Variants in NCK1 observed in about 807,000 individuals in gnomAD.
NCK1 encodes the protein SH2/SH3 adapter protein NCK1.
Under a neutral mutation model 36.6 loss-of-function variants are expected in NCK1, and 19 were observed. The observed-to-expected ratio is 0.52, with a 90% CI of 0.36 to 0.76. The LOEUF (loss-of-function observed/expected upper bound fraction) is 0.76, where lower values mean the gene tolerates loss of function less well. NCK1 is among the 30% of genes least tolerant of loss of function. The probability of loss-of-function intolerance (pLI) is 0.00; values close to 1 mark genes in which losing one functional copy is unlikely to be tolerated. For missense variants in NCK1, 358 were observed against 445.6 expected (o/e 0.80, Z 1.77); for synonymous variants, 165 against 156.0 (o/e 1.06, Z -0.43).
chr3:136,910,462 A>G (rs921784922), intron 1 of NCK1, among the ~76,000 whole-genome samples: 12 of 152,176 alleles, frequency 7.9e-5, no homozygotes, highest in African/African-American at 2.9e-4. Flanking sequence ...TAGTAAAGTT[A>G]TGTTTAAAAA....
At chr3:136,920,004 G>A (rs1244832837) in intron 1 of NCK1, among the ~76,000 whole-genome samples, 1 of 152,118 alleles carries the variant, frequency 6.6e-6, no homozygotes, top group East Asian at 1.9e-4. Flanking sequence ...AGTAAACAAT[G>A]AAGGGGGAGA....
intron 1 of NCK1, among the ~76,000 whole-genome samples, chr3:136,908,213 C>T (rs191874897): frequency 5.3e-5 from 8 of 152,206 alleles, no homozygotes; most frequent in Admixed American, 1.3e-4. Context: ...TACATAGGTC[C>T]GCAACCGTAT....
chr3:136,908,934 G>T (rs1369972483), intron 1 of NCK1, among the ~76,000 whole-genome samples: 1 of 152,104 alleles, frequency 6.6e-6, no homozygotes, highest in Non-Finnish European at 1.5e-5. Flanking sequence ...ATAATGGGAG[G>T]TGTTTGGGTC....
rs150225257 is a variant in NCK1, at chr3:136,928,326, G to C, written c.226+99G>C. 426 of 1,157,776 alleles carry C rather than the reference G, an allele frequency of 3.7e-4. 1 individual carries two copies. The African/African-American group carries it at 6.0e-3, about 16-fold the overall frequency. The allele number at this position is 1,157,776 out of a possible 1,614,324, so 71.7% of individuals were successfully genotyped here. ...TGGCAGCAGTGTGCATAATTGACTT[G>C]AAAAGGCAAGGGCTAGGTAAGTTTG... On this transcript the variant is annotated intron_variant, in intron 2 of 3. Coordinates refer to ENST00000481752, the MANE Select transcript of NCK1 (RefSeq NM_001291999.2).
At position 136,951,128 on chromosome 3, in the gene NCK1, GGTT is replaced by G. The variant is rs1385671417; in HGVS notation, c.*2679_*2681del. ...ATAGGCCTAGCAGATGGGCAACTTGGGTTGTTAGAATAAGGTCATTCTTGCAGA... is the reference window on the plus strand; with the variant it reads ...ATAGGCCTAGCAGATGGGCAACTTGGGTTAGAATAAGGTCATTCTTGCAGA... On this transcript the variant is annotated 3_prime_UTR_variant, in exon 4 of 4. Coordinates refer to ENST00000481752, the MANE Select transcript of NCK1 (RefSeq NM_001291999.2). 1.3e-5 allele frequency among the ~76,000 whole-genome samples: 2 copies of G among 152,144 alleles called. No individual in the cohort carries two copies. The highest frequency in any genetic ancestry group is 2.9e-5 in the Non-Finnish European group (2 of 68,008).
chr3:136,886,177 T>C (rs960252469), intron 1 of NCK1, among the ~76,000 whole-genome samples: 6 of 152,310 alleles, frequency 3.9e-5, no homozygotes, highest in Non-Finnish European at 7.4e-5. Flanking sequence ...AACACTAATT[T>C]CTTAGAGCAC....
intron 1 of NCK1, among the ~76,000 whole-genome samples, chr3:136,922,616 A>G (rs1394943424): frequency 6.6e-6 from 1 of 152,256 alleles, no homozygotes; most frequent in Non-Finnish European, 1.5e-5. Flanking sequence ...TAAGAGAAAT[A>G]CAAATTACAA....
chr3:136,871,993 T>C (rs1042031883), intron 1 of NCK1, among the ~76,000 whole-genome samples: 9 of 152,206 alleles, frequency 5.9e-5, no homozygotes, highest in African/African-American at 2.2e-4. Context: ...GTCTCAGGTA[T>C]GTCTTTATCA....
chr3:136,885,732 A>T (rs1010299758), intron 1 of NCK1, among the ~76,000 whole-genome samples: 1 of 152,108 alleles, frequency 6.6e-6, no homozygotes, highest in African/African-American at 2.4e-5. Context: ...CTGTGCACTC[A>T]TTGTCCAGTA....
chr3:136,937,304 T>G (rs1940556969), intron 2 of NCK1, among the ~76,000 whole-genome samples: 1 of 152,234 alleles, frequency 6.6e-6, no homozygotes, highest in Non-Finnish European at 1.5e-5. Flanking sequence ...GACTCTCGAT[T>G]CTATTTCATT....
chr3:136,891,034 A>G (rs939943925), intron 1 of NCK1, among the ~76,000 whole-genome samples: 7 of 152,240 alleles, frequency 4.6e-5, no homozygotes, highest in East Asian at 3.8e-4. Context: ...AGTGTCTTCA[A>G]GGTTTATTCA....
chr3:136,920,313 T>C (rs1940073374), intron 1 of NCK1, among the ~76,000 whole-genome samples: 1 of 152,120 alleles, frequency 6.6e-6, no homozygotes. Context: ...TTTGGAAATA[T>C]CACTTTGAAA....
intron 1 of NCK1, among the ~76,000 whole-genome samples, chr3:136,898,701 C>T (rs1411832531): frequency 1.3e-5 from 2 of 152,070 alleles, no homozygotes; most frequent in African/African-American, 4.8e-5. Flanking sequence ...AGAATGTTTC[C>T]CTGTGCGAGA....
chr3:136,944,178 A>C (rs967462399), intron 2 of NCK1, among the ~76,000 whole-genome samples: 7 of 134,110 alleles, frequency 5.2e-5, no homozygotes, highest in Admixed American at 4.0e-4. Context: ...GAGTATAGTG[A>C]CGTGATCTTG....
intron 1 of NCK1, among the ~76,000 whole-genome samples, chr3:136,927,681 C>G (rs1476369076): frequency 2.0e-5 from 3 of 152,034 alleles, no homozygotes; most frequent in Non-Finnish European, 2.9e-5. Context: ...ACCATCACGC[C>G]CAGCTAATTT....
intron 1 of NCK1, among the ~76,000 whole-genome samples, chr3:136,887,750 T>C (rs916643409): frequency 2.6e-5 from 4 of 152,192 alleles, no homozygotes; most frequent in Non-Finnish European, 5.9e-5. Context: ...GGCACTGTAC[T>C]GTTTTACCTA....
At chr3:136,885,270 C>T (rs1939047868) in intron 1 of NCK1, among the ~76,000 whole-genome samples, 1 of 152,086 alleles carries the variant, frequency 6.6e-6, no homozygotes, top group African/African-American at 2.4e-5. Flanking sequence ...TTGTTCTCTT[C>T]TTTAATGTAT....
intron 1 of NCK1, among the ~76,000 whole-genome samples, chr3:136,873,934 A>G (rs1336502370): frequency 6.6e-6 from 1 of 152,188 alleles, no homozygotes; most frequent in Non-Finnish European, 1.5e-5. Flanking sequence ...CATCAGCAGC[A>G]TGAAAGTGGA....
chr3:136,933,965 C>T (rs1940458032), intron 2 of NCK1, among the ~76,000 whole-genome samples: 1 of 152,116 alleles, frequency 6.6e-6, no homozygotes, highest in African/African-American at 2.4e-5. Flanking sequence ...GCCTCAGCCT[C>T]CCAAAGTGCT....
Sources: allele counts gnomAD v4.1 joint callset (sites outside exome capture counted in the v4.1 genomes callset), GRCh38; gene constraint gnomAD v4.1.1; transcripts MANE v1.5; gene names NCBI Gene and HGNC (gene_info 2026-07-23, HGNC 2026-07-21).